LRP1B: variants seen among roughly 807,000 people sequenced by gnomAD.
LRP1B encodes the protein LDL receptor related protein 1B.
Under a neutral mutation model 556.6 loss-of-function variants are expected in LRP1B, and 217 were observed. The observed-to-expected ratio is 0.39, with a 90% CI of 0.35 to 0.44. LRP1B has a LOEUF of 0.44. LRP1B is among the 20% of genes least tolerant of loss of function. The pLI is 1.00. For missense variants in LRP1B, 5,053 were observed against 5,620.8 expected, an observed-to-expected ratio of 0.90 and a Z score of 3.23; for synonymous variants, 2,047 against 1,865.8, an observed-to-expected ratio of 1.10 and a Z score of -2.50.
At chr2:140,285,146 CAT>C (rs1558771116) in intron 84 of LRP1B, among the ~76,000 whole-genome samples, 2 of 148,574 alleles carry the variant, frequency 1.3e-5, no homozygotes, top group South Asian at 2.1e-4. Context: ...TGTAGATACA[CAT>C]GTATATATGT....
At chr2:141,905,046 G>A (rs1009270540) in intron 1 of LRP1B, among the ~76,000 whole-genome samples, 1 of 151,746 alleles carries the variant, frequency 6.6e-6, no homozygotes, top group Non-Finnish European at 1.5e-5. Flanking sequence ...TTAAAAATAC[G>A]GCTAATTCGG....
chr2:141,028,603 A>C (rs1455226965), intron 11 of LRP1B, among the ~76,000 whole-genome samples: 2 of 152,164 alleles, frequency 1.3e-5, no homozygotes, highest in African/African-American at 4.8e-5. Context: ...AGTAAAAACC[A>C]AAATGACTTT....
At chr2:140,782,115 T>G (rs1223825808) in intron 32 of LRP1B, among the ~76,000 whole-genome samples, 1 of 152,188 alleles carries the variant, frequency 6.6e-6, no homozygotes, top group East Asian at 1.9e-4. Flanking sequence ...CAGAAATTAT[T>G]GAAATTCAAA....
At chr2:140,385,840 G>T in intron 67 of LRP1B, 53 bp downstream of exon 67, 1 of 1,236,352 alleles carries the variant, frequency 8.1e-7, no homozygotes, top group Non-Finnish European at 1.2e-6. Flanking sequence ...TTGCCATCCT[G>T]CTTATTGAAT....
At chr2:140,815,752 G>C (rs1401081359) in intron 31 of LRP1B, among the ~76,000 whole-genome samples, 3 of 152,042 alleles carry the variant, frequency 2.0e-5, no homozygotes. Context: ...GAAGAAGCTA[G>C]GGAGTATATG....
intron 1 of LRP1B, among the ~76,000 whole-genome samples, chr2:141,950,450 G>A (rs1185524169): frequency 1.3e-5 from 2 of 152,096 alleles, no homozygotes; most frequent in Non-Finnish European, 2.9e-5. Flanking sequence ...GTGATTACTA[G>A]CTAAGGAAGG....
chr2:141,126,510 C>T (rs111960234), intron 7 of LRP1B, among the ~76,000 whole-genome samples: 8,301 of 152,256 alleles, frequency 0.055, 335 homozygotes, highest in South Asian at 0.12. Context: ...CTCCTTGTTG[C>T]AGTCATTTCT....
At chr2:141,888,030 T>C (rs1243053562) in intron 1 of LRP1B, among the ~76,000 whole-genome samples, 2 of 152,202 alleles carry the variant, frequency 1.3e-5, no homozygotes, top group African/African-American at 2.4e-5. Context: ...ATTAATATCA[T>C]AAATTGCAAA....
intron 15 of LRP1B, among the ~76,000 whole-genome samples, chr2:140,998,131 AT>A (rs1489563952): frequency 6.6e-6 from 1 of 152,084 alleles, no homozygotes; most frequent in Non-Finnish European, 1.5e-5. Context: ...AGAGGAATAT[AT>A]CTGGGGCTCC....
chr2:140,545,884 T>G (rs1043492024), intron 43 of LRP1B, among the ~76,000 whole-genome samples: 11 of 152,128 alleles, frequency 7.2e-5, no homozygotes, highest in African/African-American at 2.7e-4. Context: ...ATTATTCGTA[T>G]CCATGAGCAT....
intron 41 of LRP1B, among the ~76,000 whole-genome samples, chr2:140,670,074 A>G (rs1685424161): frequency 6.6e-6 from 1 of 152,154 alleles, no homozygotes. Context: ...AAACTTCTCT[A>G]AGAATGTTTC....
At chr2:140,619,993 G>A (rs990831884) in intron 41 of LRP1B, among the ~76,000 whole-genome samples, 1 of 152,082 alleles carries the variant, frequency 6.6e-6, no homozygotes, top group African/African-American at 2.4e-5. Context: ...ACCTGTCAAA[G>A]TTTAATGCAA....
chr2:140,887,936 T>G (rs943223256), intron 23 of LRP1B, among the ~76,000 whole-genome samples: 2 of 152,098 alleles, frequency 1.3e-5, no homozygotes, highest in Admixed American at 1.3e-4. Context: ...GGGGTTTGTT[T>G]TGGGGTGATT....
intron 2 of LRP1B, among the ~76,000 whole-genome samples, chr2:141,576,781 TGACCCTGAA>T (rs140544505): frequency 0.35 from 48,772 of 139,390 alleles, 9,431 homozygotes; most frequent in Non-Finnish European, 0.43. Flanking sequence ...AGCTTCAGTC[TGACCCTGAA>T]GCATACATTA....
intron 67 of LRP1B, among the ~76,000 whole-genome samples, chr2:140,382,052 A>G (rs950154810): frequency 2.0e-5 from 3 of 152,164 alleles, no homozygotes; most frequent in Admixed American, 6.5e-5. Context: ...TTTCAAAACC[A>G]TAGAGTTAAT....
rs532203517 is a variant in LRP1B, at chr2:140,501,025, C to T, written c.8850+662G>A. On this transcript the variant is annotated intron_variant, in intron 55 of 90. Transcript: ENST00000389484. ...AAATTGATTTTAACCTAATACACAA[C>T]GTTGCATTTCAACATTGTGTTAGTT... is the stretch of plus-strand genomic sequence containing the variant. Among the ~76,000 whole-genome samples the T allele has an allele frequency of 1.8e-4, 27 of 152,026 alleles. 1 individual carries two copies. The South Asian group carries it at 5.6e-3, about 32-fold the overall frequency.
At chr2:141,623,750 C>G (rs531391845) in intron 2 of LRP1B, among the ~76,000 whole-genome samples, 1 of 151,832 alleles carries the variant, frequency 6.6e-6, no homozygotes, top group South Asian at 2.1e-4. Flanking sequence ...AGCGGGGTGG[C>G]TCAAGCCTGT....
At chr2:141,201,558 T>G (rs1682019402) in intron 6 of LRP1B, among the ~76,000 whole-genome samples, 1 of 152,136 alleles carries the variant, frequency 6.6e-6, no homozygotes, top group Non-Finnish European at 1.5e-5. Flanking sequence ...ACGTTTTGAT[T>G]TGTGTCCCTA....
intron 2 of LRP1B, among the ~76,000 whole-genome samples, chr2:141,705,128 A>T (rs970575028): frequency 1.3e-5 from 2 of 151,998 alleles, no homozygotes; most frequent in African/African-American, 4.8e-5. Flanking sequence ...ATTTACTGGG[A>T]AAACTGAGGC....
Sources: gnomAD v4.1 joint callset for allele counts (sites outside exome capture counted in the v4.1 genomes callset) on GRCh38, gnomAD v4.1.1 for gene constraint, MANE v1.5 for transcripts, NCBI Gene and HGNC (gene_info 2026-07-23, HGNC 2026-07-21) for gene names.